Variants in MYH8 observed in about 807,000 individuals in gnomAD.
MYH8 encodes the protein myosin-8.
Under a neutral mutation model 233.2 loss-of-function variants are expected in MYH8, and 168 were observed. That is an observed-to-expected ratio of 0.72 (90% CI 0.64 to 0.82). The LOEUF is 0.82. Ranked by LOEUF, MYH8 falls within the 40% of genes least tolerant of loss-of-function variation. MYH8 has a pLI of 0.00. For synonymous variants in MYH8, 785 were observed against 850.6 expected, an observed-to-expected ratio of 0.92 and a Z score of 1.34; for missense variants, 1,995 against 2,327.8, an observed-to-expected ratio of 0.86 and a Z score of 2.94.
Position 10,408,081 on chromosome 17 carries a change from T to C in MYH8, c.1965+1016A>G, listed in dbSNP as rs565749954. The stretch of plus-strand genomic sequence containing the variant: ...TCAGCCTCCCGAGTAGCTGGGACTA[T>C]AGGCGTGCACCACTATGCCCGGCTA... On this transcript the variant is annotated intron_variant, in intron 17 of 39. Coordinates refer to ENST00000403437, the MANE Select transcript of MYH8 (RefSeq NM_002472.3). 3.3e-5 allele frequency among the ~76,000 whole-genome samples: 5 copies of C among 151,652 alleles called. No individual in the cohort carries two copies. The South Asian group carries it at 1.0e-3, about 32-fold the overall frequency.
At chr17:10,418,170 T>C (rs2072304265) in intron 5 of MYH8, among the ~76,000 whole-genome samples, 1 of 152,324 alleles carries the variant, frequency 6.6e-6, no homozygotes, top group East Asian at 1.9e-4. Flanking sequence ...TTTACTCATG[T>C]TTTACCCTTA....
At position 10,415,670 on chromosome 17, in the gene MYH8, A is replaced by G; in HGVS notation, c.539+11T>C. The G allele has an allele frequency of 6.2e-7, 1 of 1,614,088 alleles. No individual in the cohort carries two copies. The highest frequency in any genetic ancestry group is 8.5e-7 in the Non-Finnish European group (1 of 1,179,944). On this transcript the variant is annotated intron_variant, in intron 6 of 39. Coordinates refer to ENST00000403437, the MANE Select transcript of MYH8 (RefSeq NM_002472.3). This position sits in a 1 kb window ranked among gnomAD's most constrained non-coding sequence, Gnocchi z 4.1. ...ATCCTTGCAAATCAGAGAAGAAAAA[A>G]AATCACATACGTGATCAGGATGGAC... is the stretch of plus-strand genomic sequence containing the variant.
chr17:10,407,943 AT>A (rs746935901), intron 17 of MYH8, among the ~76,000 whole-genome samples: 1,667 of 140,594 alleles, frequency 0.012, 10 homozygotes, highest in African/African-American at 0.026. Context: ...AAGAAGGCAG[AT>A]TTTTTTTTTT....
intron 13 of MYH8, 26 bp downstream of exon 13, chr17:10,412,584 G>A (rs762222194): frequency 1.2e-6 from 2 of 1,614,148 alleles, no homozygotes; most frequent in South Asian, 1.1e-5. Flanking sequence ...TGAGATGTGT[G>A]TGATTCATTG....
Position 10,419,465 on chromosome 17 carries a change from TA to T in MYH8, c.211-436del, listed in dbSNP as rs1490290375. Among the ~76,000 whole-genome samples the T allele has an allele frequency of 6.6e-6, 1 of 152,176 alleles. No homozygotes were observed. The highest frequency in any genetic ancestry group is 2.4e-5 in the African/African-American group (1 of 41,438). ...CTCATTATATTATTTAATGTCCTCT[TA>T]AAAAAGGCATGAAATATATTCATTT... On this transcript the variant is annotated intron_variant, in intron 3 of 39. Transcript: ENST00000403437. This position sits in a 1 kb window ranked among gnomAD's most constrained non-coding sequence, Gnocchi z 4.0.
intron 39 of MYH8, 22 bp downstream of exon 39, chr17:10,391,860 T>G (rs755717148): frequency 6.9e-6 from 11 of 1,596,330 alleles, no homozygotes; most frequent in African/African-American, 1.3e-5. Context: ...CCTTCTTTCC[T>G]CAAGGGCTTA....
intron 17 of MYH8, among the ~76,000 whole-genome samples, chr17:10,408,809 C>G (rs1223696612): frequency 6.6e-6 from 1 of 152,202 alleles, no homozygotes; most frequent in Non-Finnish European, 1.5e-5. Flanking sequence ...TCCACAGGGA[C>G]AGCTTTGAAG....
In MYH8 at chr17:10,396,516, A is replaced by G. The variant is rs373262637; in HGVS notation, c.4528+37T>C. 28 of 1,613,762 alleles carry G rather than the reference A, an allele frequency of 1.7e-5. No homozygotes were observed. The African/African-American group carries it at 3.3e-4, about 19-fold the overall frequency. On this transcript the variant is annotated intron_variant, in intron 32 of 39. Coordinates refer to ENST00000403437, the MANE Select transcript of MYH8 (RefSeq NM_002472.3). This position sits in a 1 kb window ranked among gnomAD's most constrained non-coding sequence, Gnocchi z 4.2. ...GATGGCAACATGGAAAGGTCCTCCC[A>G]GGGATATATGGAGTAGGGAGGACTG...
intron 33 of MYH8, 29 bp from the exon 34 acceptor site, chr17:10,395,470 G>A (rs374314872): frequency 4.3e-6 from 7 of 1,609,950 alleles, no homozygotes; most frequent in Non-Finnish European, 5.9e-6. Flanking sequence ...AATTAATAAT[G>A]GAGAAGAACC....
Position 10,412,685 on chromosome 17 carries a change from G to T in MYH8, c.1191C>A (p.Asp397Glu). 6.2e-7 allele frequency: 1 copy of T among 1,614,218 alleles called. No individual in the cohort carries two copies. Among genetic ancestry groups the T allele is most frequent in the Non-Finnish European group, 8.5e-7 (1 of 1,180,038 alleles). ...AAYLQSLNSADLLKALCYPRV... is the reference protein window; with the variant it reads ...AAYLQSLNSAELLKALCYPRV... ...TAGGGTAGCAGAGGGCTTTGAGTAG[G>T]TCTGCAGAGTTCAGACTCTGGAGAT... The change falls in exon 13 of 40, where the codon GAC becomes GAA. Residue 397 changes from aspartate (D) to glutamate (E), a missense_variant. By Grantham distance (45) the Asp-to-Glu change is conservative. Around this residue, in one of 3 missense-constraint regions of MYH8, gnomAD observed 479 missense variants for 600.9 expected, o/e 0.80. Coordinates refer to ENST00000403437, the MANE Select transcript of MYH8 (RefSeq NM_002472.3).
At chr17:10,411,943 T>C (rs2072247472) in intron 14 of MYH8, among the ~76,000 whole-genome samples, 1 of 152,210 alleles carries the variant, frequency 6.6e-6, no homozygotes, top group Non-Finnish European at 1.5e-5. Flanking sequence ...ATCATCTGTC[T>C]CTAGGCTTCT....
Position 10,405,230 on chromosome 17 carries a change from G to A in MYH8, c.2433-645C>T, listed in dbSNP as rs527916597. ...GATTAATTGGATTGTTAATATTTGC[G>A]AGGCATTCAGCATCTGTTGAGCTCT... is the stretch of plus-strand genomic sequence containing the variant. On this transcript the variant is annotated intron_variant, in intron 21 of 39. Coordinates refer to ENST00000403437, the MANE Select transcript of MYH8 (RefSeq NM_002472.3). Among the ~76,000 whole-genome samples, 7 of 152,194 alleles carry A rather than the reference G, an allele frequency of 4.6e-5. No individual in the cohort carries two copies. In the East Asian group the frequency reaches 5.8e-4, roughly 13 times the overall value.
In MYH8 at chr17:10,401,268, T is replaced by C. The variant is rs370627841; in HGVS notation, c.3108+7A>G. The C allele has an allele frequency of 1.4e-5, 23 of 1,614,084 alleles. No homozygotes were observed. The highest frequency in any genetic ancestry group is 1.8e-5 in the Non-Finnish European group (21 of 1,180,048). On this transcript the variant is annotated splice_region_variant and intron_variant, in intron 24 of 39. Coordinates refer to ENST00000403437, the MANE Select transcript of MYH8 (RefSeq NM_002472.3). ...ATCTTTCAAAGGGATATTTAAAATG[T>C]GCTTACATCATCCACTTGCTGTTCT...
At position 10,409,706 on chromosome 17, in the gene MYH8, C is replaced by G. The variant is rs2072228241; in HGVS notation, c.1588-118G>C. 11 of 1,366,172 alleles carry G rather than the reference C, an allele frequency of 8.1e-6. No individual in the cohort carries two copies. The Admixed American group carries it at 2.1e-4, about 27-fold the overall frequency. The allele number at this position is 1,366,172 out of a possible 1,614,324, so 84.6% of individuals were successfully genotyped here. A position where few individuals can be genotyped will look rare whatever the true frequency, so the allele number is the denominator to read the frequency against. Reference sequence around the variant, plus strand: ...AATTAAATATATGTATGAAATAAACCAGGGTCACAGCTCGAAGAAGTCCCT... The same window carrying G: ...AATTAAATATATGTATGAAATAAACGAGGGTCACAGCTCGAAGAAGTCCCT... On this transcript the variant is annotated intron_variant, in intron 15 of 39. Coordinates refer to ENST00000403437, the MANE Select transcript of MYH8 (RefSeq NM_002472.3).
At chr17:10,407,599 A>G (rs1346473542) in intron 17 of MYH8, among the ~76,000 whole-genome samples, 7 of 152,014 alleles carry the variant, frequency 4.6e-5, no homozygotes, top group African/African-American at 1.7e-4. Flanking sequence ...CCAGCACCTT[A>G]GGAGGCCAAA....
At chr17:10,407,087 T>G in intron 17 of MYH8, 108 bp from the exon 18 acceptor site, 1 of 837,268 alleles carries the variant, frequency 1.2e-6, no homozygotes, top group Non-Finnish European at 2.0e-6. Context: ...GGCATGCATC[T>G]GTGAGGCTTC....
chr17:10,403,589 T>G (rs1037836688), intron 22 of MYH8, among the ~76,000 whole-genome samples: 33 of 152,176 alleles, frequency 2.2e-4, no homozygotes, highest in African/African-American at 8.0e-4. Flanking sequence ...TATGGTCCTG[T>G]GCTTTTGGAA....
rs180677219 is a variant in MYH8 at position 10,415,007 on chromosome 17, A to G, written c.805+109T>C. 4.3e-4 allele frequency: 426 copies of G among 1,001,142 alleles called. 2 individuals are homozygous for G. The African/African-American group carries it at 6.0e-3, about 14-fold the overall frequency. The allele number at this position is 1,001,142 out of a possible 1,614,324, so 62.0% of individuals were successfully genotyped here. A position where few individuals can be genotyped will look rare whatever the true frequency, so the allele number is the denominator to read the frequency against. On this transcript the variant is annotated intron_variant, in intron 9 of 39. Transcript: ENST00000403437. The surrounding 1 kb of genome is among the most constrained non-coding windows in gnomAD (Gnocchi z 4.1). ...GCATTAGCTTACAGGCAGTACTGGC[A>G]GCAGACTACCCTTTTAACAGGCTTC...
Position 10,420,263 on chromosome 17 carries a change from G to T in MYH8, c.-30-6C>A. ...TATTTAGCAAAGGATTCTGCCTAGG[G>T]AGGAGAGAAACGGGAGAGAGAGATA... On this transcript the variant is annotated splice_region_variant and splice_polypyrimidine_tract_variant and intron_variant, in intron 2 of 39. Coordinates refer to ENST00000403437, the MANE Select transcript of MYH8 (RefSeq NM_002472.3). 6.2e-7 allele frequency: 1 copy of T among 1,608,348 alleles called. No homozygotes were observed. The highest frequency in any genetic ancestry group is 8.5e-7 in the Non-Finnish European group (1 of 1,176,534).
Sources: allele counts gnomAD v4.1 joint callset (sites outside exome capture counted in the v4.1 genomes callset), GRCh38; gene constraint gnomAD v4.1.1; regional missense constraint gnomAD v4.1.1; non-coding constraint Gnocchi (gnomAD v3.1); transcripts MANE v1.5; gene names NCBI Gene and HGNC (gene_info 2026-07-23, HGNC 2026-07-21).